Variants in IKBKB observed in about 807,000 individuals in gnomAD.
The protein encoded by IKBKB is inhibitor of nuclear factor kappa-B kinase subunit beta.
A neutral mutation model predicts 113.6 loss-of-function variants in IKBKB; 42 were observed. That is an observed-to-expected ratio of 0.37 (90% confidence interval 0.29 to 0.48). The LOEUF (loss-of-function observed/expected upper bound fraction) is 0.48. Among genes scored for constraint, IKBKB ranks in the 20% least tolerant of loss-of-function variants. The pLI, the probability that IKBKB is intolerant of heterozygous loss-of-function variation, is 0.99. For synonymous variants in IKBKB, 296 were observed against 361.3 expected (o/e 0.82, Z 2.05); for missense variants, 673 against 939.7 (o/e 0.72, Z 3.71).
chr8:42,325,918 C>G, intron 19 of IKBKB, 52 bp from the exon 20 acceptor site: 2 of 1,609,514 alleles, frequency 1.2e-6, no homozygotes, highest in Non-Finnish European at 1.7e-6. Context: ...GGCGTGAATG[C>G]AAAATGTGAT....
intron 5 of IKBKB, among the ~76,000 whole-genome samples, chr8:42,303,493 A>ATTTTTC (rs1007202756): frequency 2.7e-5 from 4 of 148,072 alleles, no homozygotes; most frequent in African/African-American, 7.4e-5. Flanking sequence ...TTCTTTGCCC[A>ATTTTTC]TTTTTCTTTT....
chr8:42,291,213 G>T (rs1048363052), intron 4 of IKBKB, among the ~76,000 whole-genome samples: 3 of 152,048 alleles, frequency 2.0e-5, no homozygotes, highest in Non-Finnish European at 4.4e-5. Flanking sequence ...CAAGAGTCTC[G>T]CTGTATTGCC....
chr8:42,276,156 A>G (rs1585515593), intron 2 of IKBKB, among the ~76,000 whole-genome samples: 1 of 152,308 alleles, frequency 6.6e-6, no homozygotes, highest in African/African-American at 2.4e-5. Context: ...GTAGTTTCTC[A>G]AGGAACCTCC....
At position 42,306,382 on chromosome 8, in the gene IKBKB, C is replaced by G; in HGVS notation, c.517C>G (p.Leu173Val). 1 of 1,613,342 alleles carries G rather than the reference C, an allele frequency of 6.2e-7. No individual in the cohort carries two copies. Among genetic ancestry groups the G allele is most frequent in the Non-Finnish European group, 8.5e-7 (1 of 1,179,282 alleles). ...KIIDLGYAKE[L>V]DQGSLCTSFV... ...TATTGACCTAGGATATGCCAAGGAGCTGGATCAGGGCAGTCTTTGCACATC... is the reference window on the plus strand; with the variant it reads ...TATTGACCTAGGATATGCCAAGGAGGTGGATCAGGGCAGTCTTTGCACATC... Residue 173 changes from leucine (L) to valine (V), a missense_variant, in exon 7 of 22, where the codon CTG (leucine) becomes GTG (valine). This residue lies in a region of IKBKB where 167 missense variants were observed against 301.0 expected (regional missense o/e 0.55). Coordinates refer to ENST00000520810, the MANE Select transcript of IKBKB (RefSeq NM_001556.3).
At chr8:42,292,327 C>T (rs1043557045) in intron 4 of IKBKB, among the ~76,000 whole-genome samples, 1 of 152,174 alleles carries the variant, frequency 6.6e-6, no homozygotes, top group Non-Finnish European at 1.5e-5. Flanking sequence ...GCCAACGAGC[C>T]AGGGAAGAAG....
intron 5 of IKBKB, among the ~76,000 whole-genome samples, chr8:42,298,791 C>A (rs1049235129): frequency 3.3e-5 from 5 of 152,122 alleles, no homozygotes; most frequent in African/African-American, 1.2e-4. Flanking sequence ...CCTCTAACAA[C>A]TCCATTTCAC....
At chr8:42,327,125 A>G (rs1009657772) in intron 20 of IKBKB, among the ~76,000 whole-genome samples, 1 of 152,162 alleles carries the variant, frequency 6.6e-6, no homozygotes, top group Non-Finnish European at 1.5e-5. Context: ...TTATATCTCA[A>G]TACAGTCTGC....
chr8:42,321,691 T>TAA, intron 16 of IKBKB: 1 of 482,222 alleles, frequency 2.1e-6, no homozygotes, highest in East Asian at 3.4e-5. Context: ...TCAGCTAATT[T>TAA]AAAAAAAAAA....
intron 5 of IKBKB, among the ~76,000 whole-genome samples, chr8:42,295,904 T>A (rs886153501): frequency 1.3e-5 from 2 of 152,216 alleles, no homozygotes; most frequent in African/African-American, 2.4e-5. Flanking sequence ...TTATATTATT[T>A]TATTCAAATT....
intron 9 of IKBKB, among the ~76,000 whole-genome samples, chr8:42,315,743 AT>A (rs1818564196): frequency 6.6e-6 from 1 of 152,068 alleles, no homozygotes; most frequent in South Asian, 2.1e-4. Flanking sequence ...GCTCACTGCA[AT>A]CTCTGCCTCC....
intron 12 of IKBKB, 126 bp from the exon 13 acceptor site, chr8:42,318,426 A>G (rs781470603): frequency 1.2e-5 from 13 of 1,073,498 alleles, no homozygotes; most frequent in Admixed American, 2.2e-5. Context: ...ACACCCTCCA[A>G]AGTTACATGA....
intron 8 of IKBKB, among the ~76,000 whole-genome samples, chr8:42,313,296 C>G (rs1257799704): frequency 6.6e-6 from 1 of 152,068 alleles, no homozygotes; most frequent in African/African-American, 2.4e-5. Context: ...ACAAAAAATA[C>G]AAAAATTTGC....
intron 21 of IKBKB, chr8:42,330,260 T>C (rs1259214784): frequency 1.0e-6 from 1 of 984,926 alleles, no homozygotes; most frequent in Non-Finnish European, 1.2e-6. Context: ...GAAAAGATCC[T>C]GTACAGTTTG....
At chr8:42,271,827 G>C in intron 1 of IKBKB, 1 of 547,476 alleles carries the variant, frequency 1.8e-6, no homozygotes, top group Non-Finnish European at 3.2e-6. Flanking sequence ...GGGCAAGGGC[G>C]TGGGCATCGC....
intron 5 of IKBKB, among the ~76,000 whole-genome samples, chr8:42,295,466 C>T (rs1179892485): frequency 6.6e-6 from 1 of 152,178 alleles, no homozygotes; most frequent in Non-Finnish European, 1.5e-5. Context: ...GTGGCTCACG[C>T]CTGCAATCCC....
At chr8:42,298,019 G>A in intron 5 of IKBKB, 1 of 869,730 alleles carries the variant, frequency 1.1e-6, no homozygotes, top group Non-Finnish European at 1.4e-6. Flanking sequence ...GACCCATGTG[G>A]AGCAGCTGGA....
At chr8:42,326,863 G>GTGTTT in intron 20 of IKBKB, among the ~76,000 whole-genome samples, 1 of 152,222 alleles carries the variant, frequency 6.6e-6, no homozygotes, top group East Asian at 1.9e-4. Flanking sequence ...ATCTCTTCCT[G>GTGTTT]TGTTTTGTTT....
chr8:42,319,655 C>T lies in IKBKB; in HGVS notation c.1578+9C>T. On this transcript the variant is annotated intron_variant, in intron 15 of 21. Coordinates refer to ENST00000520810, the MANE Select transcript of IKBKB (RefSeq NM_001556.3). ...TGGAGCTCTGTGGGCGGGTAGGAGA[C>T]TCATTTTGGGTTTCGGAACTTACCA... is the stretch of plus-strand genomic sequence containing the variant. 6.3e-7 allele frequency: 1 copy of T among 1,580,632 alleles called. No homozygotes were observed. Among genetic ancestry groups the T allele is most frequent in the Non-Finnish European group, 8.6e-7 (1 of 1,168,942 alleles).
chr8:42,320,473 A>T (rs1052477274), intron 15 of IKBKB: 7 of 406,770 alleles, frequency 1.7e-5, no homozygotes, highest in Non-Finnish European at 3.1e-5. Flanking sequence ...GACTCCTCAG[A>T]TGGCCCTGTT....
Sources: allele counts gnomAD v4.1 joint callset (sites outside exome capture counted in the v4.1 genomes callset), GRCh38; gene constraint gnomAD v4.1.1; regional missense constraint gnomAD v4.1.1; transcripts MANE v1.5; gene names NCBI Gene and HGNC (gene_info 2026-07-23, HGNC 2026-07-21).